Variants in CLEC4C observed in about 807,000 individuals in gnomAD.
CLEC4C encodes C-type (calcium dependent, carbohydrate-recognition domain) lectin, superfamily member 11.
A neutral mutation model predicts 27.7 loss-of-function variants in CLEC4C; 17 were observed. The observed-to-expected ratio is 0.61, with a 90% CI of 0.42 to 0.92. CLEC4C has a LOEUF of 0.92. CLEC4C is among the 40% of genes least tolerant of loss of function. The probability of loss-of-function intolerance (pLI) is 0.00; values close to 1 mark genes in which losing one functional copy is unlikely to be tolerated. For synonymous variants in CLEC4C, 80 were observed against 80.8 expected (o/e 0.99, Z 0.06); for missense variants, 244 against 257.3 (o/e 0.95, Z 0.35).
chr12:7,742,020 C>CAAA (rs139483033), intron 2 of CLEC4C, among the ~76,000 whole-genome samples: 5 of 150,110 alleles, frequency 3.3e-5, no homozygotes, highest in South Asian at 2.1e-4. Flanking sequence ...GACTGTGTCT[C>CAAA]AAAAAAACAA....
chr12:7,739,257 T>C (rs7138648), intron 3 of CLEC4C, among the ~76,000 whole-genome samples: 33,899 of 151,060 alleles, frequency 0.22, 4,398 homozygotes, highest in Admixed American at 0.32. Context: ...GGACTACAGG[T>C]GCCCGCCACC....
rs1461425659 is a variant in CLEC4C at position 7,732,982 on chromosome 12, T to G, written c.382-2070A>C. On this transcript the variant is annotated intron_variant, in intron 4 of 5. Coordinates refer to ENST00000360345, the MANE Select transcript of CLEC4C (RefSeq NM_001371390.1). ...AAAAATAAAATAAAGATATTTATAA[T>G]AGTAGTAGTTAAAATTAGTCATTGT... Among the ~76,000 whole-genome samples the G allele has an allele frequency of 2.0e-5, 3 of 151,958 alleles. No homozygotes were observed. The South Asian group carries it at 6.2e-4, about 31-fold the overall frequency.
Position 7,729,659 on chromosome 12 carries a change from C to T in CLEC4C, c.579G>A (p.Trp193Ter). Reference sequence around the variant, plus strand: ...GAGGTACATGACAGTGAATGTCATTCCAGCCCCATTCTTCTGAAGAACGGA... The same window carrying T: ...GAGGTACATGACAGTGAATGTCATTTCAGCCCCATTCTTCTGAAGAACGGA... ...INFRSSEEWG[W>*]NDIHCHVPQK... is the part of the protein sequence containing the mutation. Residue 193 changes from tryptophan (W) to a stop codon, truncating the protein, a stop_gained, in exon 6 of 6, where the codon TGG becomes TGA. Coordinates refer to ENST00000360345, the MANE Select transcript of CLEC4C (RefSeq NM_001371390.1). LOFTEE classifies it low-confidence loss of function (END_TRUNC). 1 of 1,613,556 alleles carries T rather than the reference C, an allele frequency of 6.2e-7. No individual in the cohort carries two copies. Among genetic ancestry groups the T allele is most frequent in the Non-Finnish European group, 8.5e-7 (1 of 1,179,508 alleles).
Position 7,744,208 on chromosome 12 carries a change from G to A in CLEC4C, c.124+2123C>T, listed in dbSNP as rs1864922959. Among the ~76,000 whole-genome samples, 6 of 152,166 alleles carry A rather than the reference G, an allele frequency of 3.9e-5. No homozygotes were observed. In the South Asian group the frequency reaches 1.2e-3, roughly 32 times the overall value. On this transcript the variant is annotated intron_variant, in intron 2 of 5. Coordinates refer to ENST00000360345, the MANE Select transcript of CLEC4C (RefSeq NM_001371390.1). ...ATTTCAAATTTTCAACATGAGACTT[G>A]GAAGGGACAACTATCCCAACCATAT... is the stretch of plus-strand genomic sequence containing the variant.
At chr12:7,738,778 C>G (rs1174648586) in intron 3 of CLEC4C, among the ~76,000 whole-genome samples, 1 of 152,170 alleles carries the variant, frequency 6.6e-6, no homozygotes, top group Non-Finnish European at 1.5e-5. Flanking sequence ...GCTGGAATTA[C>G]AGGCATGAGC....
intron 4 of CLEC4C, among the ~76,000 whole-genome samples, chr12:7,735,400 G>A (rs1273083387): frequency 6.6e-6 from 1 of 151,458 alleles, no homozygotes; most frequent in Non-Finnish European, 1.5e-5. Flanking sequence ...CTATTCAGGA[G>A]GCTGAGACAG....
At chr12:7,747,376 C>T (rs765156767), upstream of CLEC4C, 2 of 1,613,064 alleles carry the variant, frequency 1.2e-6, no homozygotes, top group African/African-American at 2.7e-5. Flanking sequence ...TTTGGACTTC[C>T]TCTATCAGGT....
rs142896624 is a variant in CLEC4C, at chr12:7,742,380, G to GCA, written c.125-851_125-850dup. 8.8e-3 allele frequency among the ~76,000 whole-genome samples: 1,323 copies of GCA among 150,018 alleles called. 87 individuals carry two copies. The East Asian group carries it at 0.16, about 19-fold the overall frequency. ...ATACAAAAATTAGGTGGGCATGGTG[G>GCA]CACATGCCTGTAATCCCAGCTACAG... On this transcript the variant is annotated intron_variant, in intron 2 of 5. Transcript: ENST00000360345.
chr12:7,743,674 T>A (rs117441468), intron 2 of CLEC4C, among the ~76,000 whole-genome samples: 2 of 152,158 alleles, frequency 1.3e-5, no homozygotes, highest in Non-Finnish European at 2.9e-5. Flanking sequence ...AATTCTTTAT[T>A]CATGTATTTC....
chr12:7,741,549 G>T lies in CLEC4C; in HGVS notation c.125-18C>A, dbSNP rs893503227. On this transcript the variant is annotated intron_variant, in intron 2 of 5. Coordinates refer to ENST00000360345, the MANE Select transcript of CLEC4C (RefSeq NM_001371390.1). ...GTGAGGCACTGGGAAAGAGAAATCG[G>T]AGTTAGTTCTCATTCTTTTAAGTGG... 3.0e-6 allele frequency: 4 copies of T among 1,328,374 alleles called. No individual in the cohort carries two copies. The highest frequency in any genetic ancestry group is 2.3e-5 in the East Asian group (1 of 43,546). 82.3% of individuals were successfully genotyped at this position (1,328,374 alleles called of 1,614,324 possible). A position where few individuals can be genotyped will look rare whatever the true frequency, so the allele number is the denominator to read the frequency against.
At position 7,729,672 on chromosome 12, in the gene CLEC4C, T is replaced by C. The variant is rs1565458211; in HGVS notation, c.566A>G (p.Glu189Gly). 6.2e-7 allele frequency: 1 copy of C among 1,614,008 alleles called. No individual in the cohort carries two copies. The highest frequency in any genetic ancestry group is 1.7e-5 in the Admixed American group (1 of 60,012). The change falls in exon 6 of 6, where the codon GAA (glutamate) becomes GGA (glycine). Residue 189 changes from glutamate to glycine, a missense_variant. Physicochemically the swap from Glu to Gly is moderately conservative, Grantham distance 98. Transcript: ENST00000360345. ...GTGAATGTCATTCCAGCCCCATTCT[T>C]CTGAAGAACGGAAATTTATTATCGC... Reference protein sequence around the residue: ...RCAIINFRSSEEWGWNDIHCH... With the variant: ...RCAIINFRSSGEWGWNDIHCH...
At chr12:7,740,213 G>C (rs759341593) in intron 3 of CLEC4C, among the ~76,000 whole-genome samples, 4 of 151,862 alleles carry the variant, frequency 2.6e-5, no homozygotes, top group Non-Finnish European at 2.9e-5. Context: ...CCCGTGCTTA[G>C]GTGATTACCC....
chr12:7,747,880 C>T (rs746812646), upstream of CLEC4C, among the ~76,000 whole-genome samples: 13 of 130,664 alleles, frequency 9.9e-5, no homozygotes, highest in South Asian at 1.0e-3. Context: ...GACCTCCTGC[C>T]GTTGCACTCC....
At chr12:7,731,869 G>A (rs766902195) in intron 4 of CLEC4C, among the ~76,000 whole-genome samples, 10 of 152,228 alleles carry the variant, frequency 6.6e-5, no homozygotes, top group Admixed American at 5.2e-4. Context: ...CATGAGAATC[G>A]CCTGAACCTG....
intron 4 of CLEC4C, among the ~76,000 whole-genome samples, chr12:7,733,262 CA>C (rs1216606299): frequency 6.6e-6 from 1 of 151,016 alleles, no homozygotes; most frequent in East Asian, 1.9e-4. Flanking sequence ...TTTAGAAAGC[CA>C]AATTTTTTTT....
chr12:7,736,855 A>G (rs930346098), intron 4 of CLEC4C, among the ~76,000 whole-genome samples: 1 of 151,924 alleles, frequency 6.6e-6, no homozygotes, highest in Non-Finnish European at 1.5e-5. Context: ...GTGAGCTGAG[A>G]TTGTGCCACT....
chr12:7,739,846 A>C (rs1391326870), intron 3 of CLEC4C, among the ~76,000 whole-genome samples: 1 of 140,990 alleles, frequency 7.1e-6, no homozygotes, highest in East Asian at 2.1e-4. Context: ...TAGCTCGGTA[A>C]TTTTTTTTTT....
chr12:7,746,124 C>G (rs188639932), intron 2 of CLEC4C, among the ~76,000 whole-genome samples: 1 of 147,602 alleles, frequency 6.8e-6, no homozygotes, highest in Admixed American at 6.9e-5. Context: ...CTGAGGCAGG[C>G]GAATGGCATG....
At chr12:7,746,217 A>C in intron 2 of CLEC4C, 114 bp downstream of exon 2, 1 of 600,794 alleles carries the variant, frequency 1.7e-6, no homozygotes, top group Middle Eastern at 3.5e-4. Context: ...CCGTCTCAAA[A>C]AAAAAAAAAA....
Sources: allele counts gnomAD v4.1 joint callset (sites outside exome capture counted in the v4.1 genomes callset), GRCh38; gene constraint gnomAD v4.1.1; transcripts MANE v1.5; gene names NCBI Gene and HGNC (gene_info 2026-07-23, HGNC 2026-07-21).